Variants in RNGTT observed in about 807,000 individuals in gnomAD.
RNGTT encodes mRNA-capping enzyme.
RNGTT carries 33 observed loss-of-function variants against 79.3 expected under a neutral mutation model. The ratio of observed to expected loss-of-function variants is 0.42; its 90% confidence interval spans 0.32 to 0.56. The LOEUF (loss-of-function observed/expected upper bound fraction) is 0.56, where lower values mean the gene tolerates loss of function less well. RNGTT is among the 20% of genes least tolerant of loss of function. RNGTT has a pLI of 0.17. For missense variants in RNGTT, 497 were observed against 739.1 expected, an observed-to-expected ratio of 0.67 and a Z score of 3.80; for synonymous variants, 222 against 235.9, an observed-to-expected ratio of 0.94 and a Z score of 0.54.
intron 1 of RNGTT, 87 bp from the exon 2 acceptor site, chr6:88,941,267 T>C (rs1205946125): frequency 1.1e-6 from 1 of 919,496 alleles, no homozygotes; most frequent in African/African-American, 1.7e-5. Flanking sequence ...AATATCACCT[T>C]CTTAAAACCT....
intron 13 of RNGTT, among the ~76,000 whole-genome samples, chr6:88,765,016 C>A (rs1778408570): frequency 6.6e-6 from 1 of 151,876 alleles, no homozygotes; most frequent in African/African-American, 2.4e-5. Context: ...CACGGTGAAA[C>A]CCCGTCTCTA....
chr6:88,634,962 C>T (rs1156475182), intron 14 of RNGTT, among the ~76,000 whole-genome samples: 1 of 151,686 alleles, frequency 6.6e-6, no homozygotes, highest in Non-Finnish European at 1.5e-5. Flanking sequence ...TAATGGGATA[C>T]CGAATTTTGG....
rs1401186034 is a variant in RNGTT, at chr6:88,765,370, G to A, written c.1439+4404C>T. Among the ~76,000 whole-genome samples, 5 of 151,984 alleles carry A rather than the reference G, an allele frequency of 3.3e-5. No individual in the cohort carries two copies. In the East Asian group the frequency reaches 9.6e-4, roughly 29 times the overall value. ...CCATGACTTAACCATACATTCTGCT[G>A]AGGTTCAATTAATAATTATAACCAT... On this transcript the variant is annotated intron_variant, in intron 13 of 15. Transcript: ENST00000369485.
intron 2 of RNGTT, among the ~76,000 whole-genome samples, chr6:88,938,937 T>C (rs967221210): frequency 1.3e-5 from 2 of 152,224 alleles, no homozygotes; most frequent in Non-Finnish European, 2.9e-5. Flanking sequence ...ACTTTGAATA[T>C]ATCCTCTACT....
At chr6:88,700,324 A>T (rs1395392396) in intron 13 of RNGTT, among the ~76,000 whole-genome samples, 1 of 152,106 alleles carries the variant, frequency 6.6e-6, no homozygotes, top group Non-Finnish European at 1.5e-5. Flanking sequence ...TTTCTAATTG[A>T]ATGGAGAACA....
rs552910325 is a variant in RNGTT at position 88,673,909 on chromosome 6, C to T, written c.1506+4444G>A. On this transcript the variant is annotated intron_variant, in intron 14 of 15. Transcript: ENST00000369485. ...CTCTAATAAAGAGAAACAGGATTTT[C>T]CAAATCATTGGACAGAAAAATATTG... Among the ~76,000 whole-genome samples the T allele has an allele frequency of 5.4e-3, 819 of 152,318 alleles. 5 individuals carry two copies. The highest frequency in any genetic ancestry group is 7.7e-3 in the Admixed American group (118 of 15,300).
rs113471538 is a variant in RNGTT, at chr6:88,887,250, G to T, written c.896+3245C>A. On this transcript the variant is annotated intron_variant, in intron 8 of 15. Coordinates refer to ENST00000369485, the MANE Select transcript of RNGTT (RefSeq NM_003800.5). Reference sequence around the variant, plus strand: ...AATTGCCATTAAATTATGAAATAAGGATAATAAAAAGAAATCCTACACTGT... The same window carrying T: ...AATTGCCATTAAATTATGAAATAAGTATAATAAAAAGAAATCCTACACTGT... Among the ~76,000 whole-genome samples the T allele has an allele frequency of 1.4e-3, 215 of 152,070 alleles. 2 individuals carry two copies. In the East Asian group the frequency reaches 0.039, roughly 27 times the overall value.
chr6:88,823,993 G>A (rs1452423663), intron 11 of RNGTT, among the ~76,000 whole-genome samples: 1 of 152,086 alleles, frequency 6.6e-6, no homozygotes, highest in Non-Finnish European at 1.5e-5. Flanking sequence ...AAAATTAGCA[G>A]CAAGGTGGGC....
At chr6:88,681,352 T>C (rs1368683069) in intron 13 of RNGTT, among the ~76,000 whole-genome samples, 2 of 152,184 alleles carry the variant, frequency 1.3e-5, no homozygotes, top group Non-Finnish European at 2.9e-5. Context: ...AGTTGGCACA[T>C]ATATATGTAT....
intron 10 of RNGTT, among the ~76,000 whole-genome samples, chr6:88,848,252 G>A (rs975994618): frequency 1.3e-5 from 2 of 151,938 alleles, no homozygotes; most frequent in Non-Finnish European, 2.9e-5. Flanking sequence ...GAGAAATTTA[G>A]CAATGCAGAT....
intron 12 of RNGTT, among the ~76,000 whole-genome samples, chr6:88,786,527 G>A (rs1779234736): frequency 6.6e-6 from 1 of 152,074 alleles, no homozygotes; most frequent in African/African-American, 2.4e-5. Context: ...ATATAGATAG[G>A]AGTCTAATAA....
intron 5 of RNGTT, among the ~76,000 whole-genome samples, chr6:88,905,718 CT>C (rs1783631496): frequency 6.6e-6 from 1 of 151,928 alleles, no homozygotes; most frequent in African/African-American, 2.4e-5. Flanking sequence ...GAGTAACACT[CT>C]CCCAAAAATA....
chr6:88,946,640 CT>C (rs1374330916), intron 1 of RNGTT, among the ~76,000 whole-genome samples: 3 of 151,736 alleles, frequency 2.0e-5, no homozygotes, highest in Non-Finnish European at 4.4e-5. Context: ...CCCTCTCCCT[CT>C]CCCTCTCCCT....
intron 8 of RNGTT, among the ~76,000 whole-genome samples, chr6:88,865,289 C>T (rs1435760653): frequency 6.6e-6 from 1 of 152,018 alleles, no homozygotes; most frequent in African/African-American, 2.4e-5. Flanking sequence ...ACCACTACAA[C>T]TACAGCTGCT....
chr6:88,655,458 G>A (rs923848797), intron 14 of RNGTT, among the ~76,000 whole-genome samples: 1 of 152,100 alleles, frequency 6.6e-6, no homozygotes, highest in South Asian at 2.1e-4. Context: ...TCACTCTTAC[G>A]TTTCCTTGGT....
intron 12 of RNGTT, among the ~76,000 whole-genome samples, chr6:88,790,494 T>C (rs1779372620): frequency 6.6e-6 from 1 of 152,276 alleles, no homozygotes; most frequent in South Asian, 2.1e-4. Context: ...GAGTGGACCC[T>C]AGCTCCTTTA....
intron 13 of RNGTT, among the ~76,000 whole-genome samples, chr6:88,738,182 C>T (rs73754815): frequency 0.025 from 3,734 of 149,502 alleles, 139 homozygotes; most frequent in African/African-American, 0.085. Context: ...AAACCCATAC[C>T]CCAAGTCTGA....
chr6:88,799,574 C>G (rs1213939736), intron 12 of RNGTT, among the ~76,000 whole-genome samples: 1 of 151,778 alleles, frequency 6.6e-6, no homozygotes, highest in Non-Finnish European at 1.5e-5. Context: ...GTGGTGCGCA[C>G]CTGCAATCCC....
intron 8 of RNGTT, among the ~76,000 whole-genome samples, chr6:88,868,040 A>G (rs558027373): frequency 5.2e-4 from 79 of 152,096 alleles, no homozygotes; most frequent in African/African-American, 1.8e-3. Flanking sequence ...AAGTAGGTGA[A>G]GTGCTTCCTC....
Sources: allele counts gnomAD v4.1 joint callset (sites outside exome capture counted in the v4.1 genomes callset), GRCh38; gene constraint gnomAD v4.1.1; transcripts MANE v1.5; gene names NCBI Gene and HGNC (gene_info 2026-07-23, HGNC 2026-07-21).